The following KAZN variants were observed in gnomAD, a reference collection of about 807,000 sequenced individuals.
KAZN encodes kazrin, periplakin interacting protein.
KAZN carries 40 observed loss-of-function variants against 87.4 expected under a neutral mutation model. The observed-to-expected ratio is 0.46, with a 90% confidence interval of 0.36 to 0.60. The LOEUF (loss-of-function observed/expected upper bound fraction) is 0.60. Among genes scored for constraint, KAZN ranks in the 20% least tolerant of loss-of-function variants. KAZN has a pLI of 0.00. For synonymous variants in KAZN, 466 were observed against 458.3 expected (o/e 1.02, Z -0.22); for missense variants, 898 against 1,073.9 (o/e 0.84, Z 2.29).
intron 2 of KAZN, among the ~76,000 whole-genome samples, chr1:14,285,385 T>C (rs1557615802): frequency 6.6e-6 from 1 of 152,232 alleles, no homozygotes; most frequent in Non-Finnish European, 1.5e-5. Flanking sequence ...GGTTCCTCTC[T>C]GAGCAAAACT....
At chr1:14,363,967 A>AT (rs34042579) in intron 2 of KAZN, among the ~76,000 whole-genome samples, 1,510 of 145,848 alleles carry the variant, frequency 0.01, 11 homozygotes, top group Middle Eastern at 0.018. Context: ...TACTCACAAT[A>AT]TTTTTTTTTT....
At chr1:14,794,330 C>A (rs954825960) in intron 1 of KAZN, among the ~76,000 whole-genome samples, 1 of 152,186 alleles carries the variant, frequency 6.6e-6, no homozygotes, top group Non-Finnish European at 1.5e-5. Context: ...AGCAACCATC[C>A]CTGGTAGAGT....
chr1:14,185,572 A>T (rs1412089200), intron 2 of KAZN, among the ~76,000 whole-genome samples: 3 of 152,208 alleles, frequency 2.0e-5, no homozygotes, highest in African/African-American at 4.8e-5. Flanking sequence ...CAAGTCCAAA[A>T]GCTTGTAGTT....
At chr1:14,274,541 T>G (rs1487148445) in intron 2 of KAZN, among the ~76,000 whole-genome samples, 1 of 152,230 alleles carries the variant, frequency 6.6e-6, no homozygotes, top group Non-Finnish European at 1.5e-5. Context: ...CAAAGCCTAA[T>G]AGAACAGGCT....
intron 1 of KAZN, among the ~76,000 whole-genome samples, chr1:14,170,421 G>A (rs1387647119): frequency 6.6e-6 from 1 of 151,908 alleles, no homozygotes; most frequent in East Asian, 1.9e-4. Flanking sequence ...CCCACCAGAA[G>A]ACAAATCCCA....
At chr1:14,600,332 TGA>T (rs1376168985) in intron 1 of KAZN, among the ~76,000 whole-genome samples, 2 of 152,192 alleles carry the variant, frequency 1.3e-5, no homozygotes, top group South Asian at 4.1e-4. Context: ...TCTTGAGGGT[TGA>T]GAGAGTCTGT....
At chr1:15,023,255 G>T (rs72639838) in intron 2 of KAZN, among the ~76,000 whole-genome samples, 61 of 152,318 alleles carry the variant, frequency 4.0e-4, no homozygotes, top group Non-Finnish European at 7.1e-4. Context: ...AAAGGAGGAG[G>T]TGCTTGCTTC....
At chr1:14,506,786 T>C (rs1344042138) in intron 2 of KAZN, among the ~76,000 whole-genome samples, 1 of 152,130 alleles carries the variant, frequency 6.6e-6, no homozygotes. Context: ...TAAAACTGTG[T>C]GTATGTATAT....
At chr1:14,800,728 A>G (rs763752975) in intron 1 of KAZN, among the ~76,000 whole-genome samples, 1 of 152,216 alleles carries the variant, frequency 6.6e-6, no homozygotes, top group Non-Finnish European at 1.5e-5. Flanking sequence ...AGCACATGCT[A>G]CAACATGCAT....
At chr1:14,257,422 C>A (rs1468596387) in intron 2 of KAZN, among the ~76,000 whole-genome samples, 2 of 146,098 alleles carry the variant, frequency 1.4e-5, no homozygotes, top group African/African-American at 5.2e-5. Context: ...TTGTAGGTTG[C>A]CTGTTCACTC....
chr1:14,728,225 G>T (rs893761048), intron 1 of KAZN, among the ~76,000 whole-genome samples: 1 of 147,238 alleles, frequency 6.8e-6, no homozygotes, highest in Admixed American at 6.9e-5. Flanking sequence ...GGCGGAGGTT[G>T]CAGTGAGCCG....
chr1:14,068,506 A>T (rs532445831), intron 1 of KAZN, among the ~76,000 whole-genome samples: 3 of 151,508 alleles, frequency 2.0e-5, no homozygotes, highest in East Asian at 1.9e-4. Flanking sequence ...GATATGCATT[A>T]AAAAAAAATC....
chr1:14,987,857 G>A (rs989888689), intron 2 of KAZN, among the ~76,000 whole-genome samples: 29 of 152,326 alleles, frequency 1.9e-4, no homozygotes, highest in East Asian at 1.7e-3. Flanking sequence ...GGCCCAGGCC[G>A]TTGGACTCTT....
At chr1:14,015,459 C>CT (rs70987713) in intron 1 of KAZN, among the ~76,000 whole-genome samples, 7 of 25,102 alleles carry the variant, frequency 2.8e-4, no homozygotes, top group African/African-American at 4.2e-4. Context: ...GTTACATCTA[C>CT]TTTTTTTTTT....
intron 1 of KAZN, among the ~76,000 whole-genome samples, chr1:14,790,204 G>T (rs1645633474): frequency 6.6e-6 from 1 of 151,464 alleles, no homozygotes; most frequent in Non-Finnish European, 1.5e-5. Context: ...TAAAGACGGG[G>T]TTTCTCCATG....
At chr1:14,332,534 A>T (rs973131380) in intron 2 of KAZN, among the ~76,000 whole-genome samples, 4 of 152,110 alleles carry the variant, frequency 2.6e-5, no homozygotes, top group Non-Finnish European at 5.9e-5. Flanking sequence ...CACCATTCTC[A>T]TCTAGCTCTT....
intron 1 of KAZN, among the ~76,000 whole-genome samples, chr1:14,025,184 A>C (rs181714732): frequency 9.8e-5 from 15 of 152,328 alleles, no homozygotes; most frequent in African/African-American, 3.6e-4. Context: ...GGTGGCCAAG[A>C]ATATGAATAT....
At chr1:14,966,631 C>A (rs1396349607) in intron 2 of KAZN, among the ~76,000 whole-genome samples, 1 of 152,190 alleles carries the variant, frequency 6.6e-6, no homozygotes, top group Non-Finnish European at 1.5e-5. Flanking sequence ...ACGTTAAAAT[C>A]CACTGGTCTA....
chr1:14,595,404 G>A (rs929789670), upstream of KAZN, among the ~76,000 whole-genome samples: 12 of 152,072 alleles, frequency 7.9e-5, no homozygotes, highest in African/African-American at 1.7e-4. Context: ...CCGGCCGAGC[G>A]CTGTGGCTCA....
Sources: gnomAD v4.1 joint callset for allele counts (sites outside exome capture counted in the v4.1 genomes callset) on GRCh38, gnomAD v4.1.1 for gene constraint, MANE v1.5 for transcripts, NCBI Gene and HGNC (gene_info 2026-07-23, HGNC 2026-07-21) for gene names.